FANCM: variants seen among roughly 807,000 people sequenced by gnomAD.
The protein encoded by FANCM is FA complementation group M.
Under a neutral mutation model 199.5 loss-of-function variants are expected in FANCM, and 140 were observed. The ratio of observed to expected loss-of-function variants is 0.70; its 90% CI spans 0.61 to 0.81. FANCM has a LOEUF of 0.81. Among genes scored for constraint, FANCM ranks in the 30% least tolerant of loss-of-function variants. FANCM has a pLI of 0.00. For missense variants in FANCM, 2,410 were observed against 2,421.4 expected (o/e 1.00, Z 0.10); for synonymous variants, 840 against 836.8 (o/e 1.00, Z -0.07).
intron 6 of FANCM, among the ~76,000 whole-genome samples, chr14:45,154,419 CATATT>C (rs1212737012): frequency 6.2e-5 from 9 of 144,420 alleles, no homozygotes; most frequent in Non-Finnish European, 1.2e-4. Context: ...AAAAAAAAGA[CATATT>C]AAAGAGTTTG....
intron 14 of FANCM, among the ~76,000 whole-genome samples, chr14:45,179,060 G>A (rs569685703): frequency 7.9e-5 from 12 of 152,156 alleles, no homozygotes; most frequent in African/African-American, 2.2e-4. Flanking sequence ...TTAGCCAGGC[G>A]TCGTGGCACG....
chr14:45,189,367 G>A lies in FANCM; in HGVS notation c.5340+5G>A, dbSNP rs754037019. 1.9e-6 allele frequency: 3 copies of A among 1,596,102 alleles called. No individual in the cohort carries two copies. Among genetic ancestry groups the A allele is most frequent in the Non-Finnish European group, 1.7e-6 (2 of 1,163,918 alleles). ...AAATTTCCAGTTCCACAGAAGGTAT[G>A]GATCAAAGAAAGGAAAAATATCTTT... On this transcript the variant is annotated splice_donor_5th_base_variant and intron_variant, in intron 20 of 22. Transcript: ENST00000267430.
At position 45,181,457 on chromosome 14, in the gene FANCM, G is replaced by A; in HGVS notation, c.4250G>A (p.Ser1417Asn). Residue 1417 changes from serine (S) to asparagine (N), a missense_variant, in exon 15 of 23, where the codon AGT (serine) becomes AAT (asparagine). Physicochemically the swap from Ser to Asn is conservative, Grantham distance 46 (BLOSUM62 1). Coordinates refer to ENST00000267430, the MANE Select transcript of FANCM (RefSeq NM_020937.4). ...GGACAATTATTAACAAGTAACGAAA[G>A]TGAAGATGACGAGATTTTCCGAAGA... is the stretch of plus-strand genomic sequence containing the variant. ...EDGQLLTSNESEDDEIFRRKV... is the reference protein window; with the variant it reads ...EDGQLLTSNENEDDEIFRRKV... 6.2e-7 allele frequency: 1 copy of A among 1,600,446 alleles called. No individual in the cohort carries two copies. Among genetic ancestry groups the A allele is most frequent in the South Asian group, 1.1e-5 (1 of 90,584 alleles).
In FANCM at chr14:45,135,942, G is replaced by C; in HGVS notation, c.-90G>C. 1 of 1,419,374 alleles carries C rather than the reference G, an allele frequency of 7.0e-7. No homozygotes were observed. The highest frequency in any genetic ancestry group is 1.2e-5 in the South Asian group (1 of 86,610). The allele number at this position is 1,419,374 out of a possible 1,614,324, so 87.9% of individuals were successfully genotyped here. Reference sequence around the variant, plus strand: ...CCGCCTTCTCGTTCCAGAGTTTTGTGCGAAGGAAACCGATGGGGATCGGAA... The same window carrying C: ...CCGCCTTCTCGTTCCAGAGTTTTGTCCGAAGGAAACCGATGGGGATCGGAA... On this transcript the variant is annotated 5_prime_UTR_variant, in exon 1 of 23. Transcript: ENST00000267430.
intron 20 of FANCM, 43 bp from the exon 21 acceptor site, chr14:45,196,107 GTGAGACGTTTATGGCATTTTTA>G: frequency 6.5e-7 from 1 of 1,543,710 alleles, no homozygotes; most frequent in Non-Finnish European, 9.0e-7. Context: ...AACTTCGGGT[GTGAGACGTTTATGGCATTTTTA>G]TGCATTTAAC....
chr14:45,175,926 A>C lies in FANCM; in HGVS notation c.3172A>C (p.Asn1058His). 1 of 1,613,068 alleles carries C rather than the reference A, an allele frequency of 6.2e-7. No homozygotes were observed. The highest frequency in any genetic ancestry group is 1.3e-5 in the African/African-American group (1 of 75,038). Residue 1058 changes from asparagine to histidine, a missense_variant, in exon 14 of 23, where the codon AAT (asparagine) becomes CAT (histidine). By Grantham distance (68) the Asn-to-His change is moderately conservative. Coordinates refer to ENST00000267430, the MANE Select transcript of FANCM (RefSeq NM_020937.4). ...AGAATTGAATTCACTTAAATGTATA[A>C]ATTATCCATCTGAAAAAAGTTGCCT... Reference protein sequence around the residue: ...NLELNSLKCINYPSEKSCLYD... With the variant: ...NLELNSLKCIHYPSEKSCLYD...
chr14:45,147,936 A>C (rs552693345), intron 3 of FANCM, among the ~76,000 whole-genome samples: 1 of 150,144 alleles, frequency 6.7e-6, no homozygotes, highest in South Asian at 2.1e-4. Flanking sequence ...GATGCCTCAC[A>C]CCTGTAATCC....
At position 45,175,613 on chromosome 14, in the gene FANCM, A is replaced by C. The variant is rs142864437; in HGVS notation, c.2859A>C (p.Lys953Asn). ...DSGYNSFNDEKSVSSNLFLPF... is the reference protein window; with the variant it reads ...DSGYNSFNDENSVSSNLFLPF... ...GTTATAACAGTTTCAATGATGAAAA[A>C]TCTGTTTCATCTAACTTATTTCTTC... The change falls in exon 14 of 23, where the codon AAA (lysine) becomes AAC (asparagine). Residue 953 changes from lysine to asparagine, a missense_variant. By Grantham distance (94) the Lys-to-Asn change is moderately conservative. Transcript: ENST00000267430. 3,008 of 1,613,606 alleles carry C rather than the reference A, an allele frequency of 1.9e-3. 4 individuals carry two copies. Among genetic ancestry groups the C allele is most frequent in the Non-Finnish European group, 2.4e-3 (2,782 of 1,179,720 alleles).
intron 20 of FANCM, among the ~76,000 whole-genome samples, chr14:45,194,996 G>A (rs1488864569): frequency 1.3e-5 from 2 of 151,966 alleles, no homozygotes; most frequent in Non-Finnish European, 2.9e-5. Context: ...TGATCCACTC[G>A]CCTCAGCCAC....
chr14:45,172,402 G>T (rs539980862), intron 12 of FANCM, among the ~76,000 whole-genome samples: 19 of 152,074 alleles, frequency 1.2e-4, no homozygotes, highest in African/African-American at 3.4e-4. Flanking sequence ...GTAGGGCTTC[G>T]ATCCATCTTG....
chr14:45,160,001 TG>T (rs140275866), intron 9 of FANCM, among the ~76,000 whole-genome samples: 19 of 143,846 alleles, frequency 1.3e-4, no homozygotes, highest in African/African-American at 2.7e-4. Flanking sequence ...GTTTTTTTTT[TG>T]TTTTTTTTTT....
At chr14:45,144,592 C>T (rs1381775181) in intron 3 of FANCM, among the ~76,000 whole-genome samples, 11 of 152,176 alleles carry the variant, frequency 7.2e-5, no homozygotes, top group Admixed American at 7.2e-4. Context: ...TTTCCACAGG[C>T]AGAGGAGCCT....
intron 9 of FANCM, among the ~76,000 whole-genome samples, chr14:45,162,463 G>T (rs942153298): frequency 6.6e-6 from 1 of 152,156 alleles, no homozygotes; most frequent in Admixed American, 6.5e-5. Context: ...AAAGTAAAAT[G>T]AATGAAAAAT....
At chr14:45,170,467 A>T in intron 11 of FANCM, 122 bp from the exon 12 acceptor site, 1 of 660,360 alleles carries the variant, frequency 1.5e-6, no homozygotes, top group East Asian at 2.9e-5. Flanking sequence ...TTGAGGTTAC[A>T]GTGAGTTATG....
chr14:45,179,932 T>C (rs1888962168), intron 14 of FANCM, among the ~76,000 whole-genome samples: 1 of 152,154 alleles, frequency 6.6e-6, no homozygotes, highest in African/African-American at 2.4e-5. Context: ...TTAAGATTTT[T>C]CCTACTTTTC....
At chr14:45,168,576 G>A (rs950886854) in intron 11 of FANCM, among the ~76,000 whole-genome samples, 20 of 150,318 alleles carry the variant, frequency 1.3e-4, no homozygotes, top group African/African-American at 4.9e-4. Context: ...TTCTATACTT[G>A]TTTCTTCCCC....
intron 9 of FANCM, among the ~76,000 whole-genome samples, chr14:45,162,839 G>GA (rs991519415): frequency 2.0e-5 from 3 of 151,272 alleles, no homozygotes; most frequent in Admixed American, 6.6e-5. Context: ...GTTATATTAA[G>GA]AAAAAATGTA....
intron 2 of FANCM, chr14:45,137,948 G>A (rs531994429): frequency 4.0e-5 from 6 of 151,206 alleles, no homozygotes; most frequent in African/African-American, 1.5e-4. Flanking sequence ...GAAGGCTAAA[G>A]ACAGAGTATC....
chr14:45,192,257 CAGTT>C (rs1159171356), intron 20 of FANCM, among the ~76,000 whole-genome samples: 2 of 152,164 alleles, frequency 1.3e-5, no homozygotes, highest in East Asian at 1.9e-4. Context: ...GTAGGGCAAA[CAGTT>C]AGGCTGATAT....
Sources: allele counts gnomAD v4.1 joint callset (sites outside exome capture counted in the v4.1 genomes callset), GRCh38; gene constraint gnomAD v4.1.1; transcripts MANE v1.5; gene names NCBI Gene and HGNC (gene_info 2026-07-23, HGNC 2026-07-21).